ELAPOR2: variants seen among roughly 807,000 people sequenced by gnomAD.
The protein encoded by ELAPOR2 is endosome-lysosome associated apoptosis and autophagy regulator family member 2, also known as endosome/lysosome-associated apoptosis and autophagy regulator family member 2.
ELAPOR2 carries 89 observed loss-of-function variants against 120.7 expected under a neutral mutation model. The ratio of observed to expected loss-of-function variants is 0.74; its 90% CI spans 0.62 to 0.88. The LOEUF is 0.88. Ranked by LOEUF, ELAPOR2 falls within the 40% of genes least tolerant of loss-of-function variation. The pLI is 0.00. For missense variants in ELAPOR2, 1,134 were observed against 1,251.6 expected (o/e 0.91, Z 1.42); for synonymous variants, 444 against 444.9 (o/e 1.00, Z 0.03).
At chr7:87,004,429 T>C (rs1467819163) in intron 1 of ELAPOR2, among the ~76,000 whole-genome samples, 1 of 152,204 alleles carries the variant, frequency 6.6e-6, no homozygotes, top group African/African-American at 2.4e-5. Context: ...AAGAAGCTAA[T>C]ACAAATTCAA....
At chr7:86,922,282 G>T (rs1789867174) in intron 10 of ELAPOR2, among the ~76,000 whole-genome samples, 1 of 151,500 alleles carries the variant, frequency 6.6e-6, no homozygotes, top group Non-Finnish European at 1.5e-5. Flanking sequence ...TTTAATAATG[G>T]TATACATAAT....
intron 1 of ELAPOR2, among the ~76,000 whole-genome samples, chr7:86,996,513 A>C (rs1326079346): frequency 6.6e-6 from 1 of 152,216 alleles, no homozygotes; most frequent in Non-Finnish European, 1.5e-5. Context: ...AGAAGTGGAG[A>C]GGCCAAAACA....
chr7:86,969,642 T>C (rs538256986), intron 1 of ELAPOR2, among the ~76,000 whole-genome samples: 1 of 152,218 alleles, frequency 6.6e-6, no homozygotes, highest in East Asian at 1.9e-4. Context: ...CATAAATTTA[T>C]AAGAAAGCAT....
chr7:86,905,469 T>C (rs1384278369), intron 18 of ELAPOR2, among the ~76,000 whole-genome samples: 3 of 152,152 alleles, frequency 2.0e-5, no homozygotes, highest in Admixed American at 1.3e-4. Flanking sequence ...TAAGCTGTAG[T>C]GTTCAAGCAG....
intron 2 of ELAPOR2, among the ~76,000 whole-genome samples, chr7:86,953,772 C>T (rs1254679549): frequency 6.6e-6 from 1 of 152,136 alleles, no homozygotes; most frequent in Non-Finnish European, 1.5e-5. Context: ...AGGCAAACTC[C>T]AAAGTTTTTA....
chr7:87,026,976 A>G (rs1794264466), intron 1 of ELAPOR2, among the ~76,000 whole-genome samples: 1 of 152,100 alleles, frequency 6.6e-6, no homozygotes, highest in African/African-American at 2.4e-5. Flanking sequence ...ATATGAGCCA[A>G]TTTCTATAAT....
intron 2 of ELAPOR2, among the ~76,000 whole-genome samples, chr7:86,954,540 A>C (rs1176443132): frequency 1.3e-5 from 2 of 152,116 alleles, no homozygotes; most frequent in Non-Finnish European, 2.9e-5. Context: ...TTTTCAATTT[A>C]CTTGTTTAAT....
chr7:86,921,143 T>C (rs1789811795), intron 10 of ELAPOR2, among the ~76,000 whole-genome samples: 1 of 152,144 alleles, frequency 6.6e-6, no homozygotes, highest in Non-Finnish European at 1.5e-5. Context: ...GCCACAGGTT[T>C]GGCTGAACAG....
intron 21 of ELAPOR2, among the ~76,000 whole-genome samples, chr7:86,881,356 C>G (rs975462942): frequency 7.3e-5 from 11 of 150,640 alleles, no homozygotes; most frequent in Non-Finnish European, 3.0e-5. Context: ...GCAAGCACGC[C>G]CTTTTTTTTT....
intron 13 of ELAPOR2, among the ~76,000 whole-genome samples, chr7:86,914,267 A>G (rs557903324): frequency 2.0e-5 from 3 of 152,292 alleles, no homozygotes; most frequent in African/African-American, 7.2e-5. Flanking sequence ...GTGTTAACTC[A>G]ATGGTGGGTA....
intron 1 of ELAPOR2, among the ~76,000 whole-genome samples, chr7:86,994,363 G>A (rs1793054301): frequency 6.6e-6 from 1 of 152,158 alleles, no homozygotes; most frequent in South Asian, 2.1e-4. Context: ...TTTATCAAGT[G>A]CTTCGGAATT....
chr7:86,913,108 C>A lies in ELAPOR2; in HGVS notation c.1828G>T (p.Gly610Cys). ...VASSCRACAL[G>C]SEQSGSSCVP... ...CACGATGAACCCGACTGTTCAGAAC[C>A]GAGGGCACAGGCACGGCATGAGGAC... The change falls in exon 14 of 22, where the codon GGT (glycine) becomes TGT (cysteine). Residue 610 changes from glycine to cysteine, a missense_variant. Physicochemically the swap from Gly to Cys is radical, Grantham distance 159 (BLOSUM62 -3). Transcript: ENST00000450689. The A allele has an allele frequency of 6.2e-7, 1 of 1,613,994 alleles. No individual in the cohort carries two copies. The highest frequency in any genetic ancestry group is 8.5e-7 in the Non-Finnish European group (1 of 1,179,978).
At chr7:86,926,210 C>CT (rs1790059612) in intron 9 of ELAPOR2, among the ~76,000 whole-genome samples, 2 of 152,020 alleles carry the variant, frequency 1.3e-5, no homozygotes, top group Admixed American at 1.3e-4. Context: ...AAATTGACAT[C>CT]TGCAAAATTG....
intron 8 of ELAPOR2, among the ~76,000 whole-genome samples, chr7:86,937,125 G>T (rs1584371085): frequency 6.6e-6 from 1 of 151,992 alleles, no homozygotes; most frequent in East Asian, 1.9e-4. Flanking sequence ...ACAACTCCTT[G>T]TCAGTTAACA....
At position 87,024,810 on chromosome 7, in the gene ELAPOR2, G is replaced by A. The variant is rs188406055; in HGVS notation, c.189+34515C>T. On this transcript the variant is annotated intron_variant, in intron 1 of 21. Transcript: ENST00000450689. ...ATAAACTAGAAAATCTAGAAAAAAG[G>A]GATAAATTCCTTGACACATACACCC... is the stretch of plus-strand genomic sequence containing the variant. 8.2e-3 allele frequency among the ~76,000 whole-genome samples: 1,240 copies of A among 152,040 alleles called. 18 individuals carry two copies. Among genetic ancestry groups the A allele is most frequent in the African/African-American group, 0.029 (1,192 of 41,494 alleles).
At chr7:86,912,336 T>C in intron 14 of ELAPOR2, 91 bp from the exon 15 acceptor site, 1 of 732,608 alleles carries the variant, frequency 1.4e-6, no homozygotes, top group Non-Finnish European at 2.2e-6. Context: ...GTATAAAAAC[T>C]ATTCCAGTAA....
chr7:87,048,712 T>C (rs895323687), intron 1 of ELAPOR2, among the ~76,000 whole-genome samples: 1 of 152,204 alleles, frequency 6.6e-6, no homozygotes, highest in Non-Finnish European at 1.5e-5. Flanking sequence ...TCACATTGCA[T>C]GCCTGTATCA....
intron 3 of ELAPOR2, among the ~76,000 whole-genome samples, chr7:86,946,189 ACG>A (rs1491010301): frequency 1.3e-5 from 2 of 151,540 alleles, no homozygotes; most frequent in Non-Finnish European, 2.9e-5. Context: ...ACACACACAC[ACG>A]TGTGCATACA....
In ELAPOR2 at chr7:87,059,531, C is replaced by G. The variant is rs1795370778; in HGVS notation, c.-18G>C. On this transcript the variant is annotated 5_prime_UTR_variant, in exon 1 of 22. Transcript: ENST00000450689. ...AACAGCATCTTCGTCCGGCCGCGGT[C>G]GGCGGGCCGGCGGCAAGGCAGCCTT... The G allele has an allele frequency of 8.5e-7, 1 of 1,175,378 alleles. No individual in the cohort carries two copies. 72.8% of individuals were successfully genotyped at this position (1,175,378 alleles called of 1,614,324 possible). A position where few individuals can be genotyped will look rare whatever the true frequency, so the allele number is the denominator to read the frequency against.
Sources: gnomAD v4.1 joint callset for allele counts (sites outside exome capture counted in the v4.1 genomes callset) on GRCh38, gnomAD v4.1.1 for gene constraint, MANE v1.5 for transcripts, NCBI Gene and HGNC (gene_info 2026-07-23, HGNC 2026-07-21) for gene names.